JAK2: variants seen among roughly 807,000 people sequenced by gnomAD.
JAK2 encodes Janus kinase 2.
A neutral mutation model predicts 139.3 loss-of-function variants in JAK2; 86 were observed. That is an observed-to-expected ratio of 0.62 (90% CI 0.52 to 0.74). The LOEUF (loss-of-function observed/expected upper bound fraction) is 0.74, where lower values mean the gene tolerates loss of function less well. JAK2 is among the 30% of genes least tolerant of loss of function. The probability of loss-of-function intolerance (pLI) is 0.00; values close to 1 mark genes in which losing one functional copy is unlikely to be tolerated. For missense variants in JAK2, 1,421 were observed against 1,360.3 expected (o/e 1.04, Z -0.70); for synonymous variants, 490 against 437.7 (o/e 1.12, Z -1.49).
chr9:5,075,590 C>T (rs1417960403), intron 14 of JAK2, among the ~76,000 whole-genome samples: 1 of 152,138 alleles, frequency 6.6e-6, no homozygotes, highest in Non-Finnish European at 1.5e-5. Context: ...CTATTTTAAG[C>T]CCATTGTTGA....
At chr9:5,008,758 A>G (rs1203543400) in intron 2 of JAK2, among the ~76,000 whole-genome samples, 1 of 152,232 alleles carries the variant, frequency 6.6e-6, no homozygotes, top group Non-Finnish European at 1.5e-5. Context: ...TCTTTTTAAC[A>G]TGAACCCAGC....
At chr9:5,123,244 A>G in intron 23 of JAK2, 123 bp downstream of exon 23, 1 of 592,566 alleles carries the variant, frequency 1.7e-6, no homozygotes. Flanking sequence ...CAGAGCTTTT[A>G]GGGTATCCAC....
chr9:5,114,320 G>A (rs1056408919), intron 22 of JAK2: 1 of 542,498 alleles, frequency 1.8e-6, no homozygotes, highest in Non-Finnish European at 3.6e-6. Flanking sequence ...CCAGTGGGAA[G>A]TCTGTGGCTC....
intron 2 of JAK2, among the ~76,000 whole-genome samples, chr9:4,988,548 G>T (rs1217387735): frequency 1.3e-5 from 2 of 152,128 alleles, no homozygotes; most frequent in Non-Finnish European, 2.9e-5. Context: ...TCCCTGAATG[G>T]GTTTGGAAAC....
At chr9:5,066,955 TATA>T (rs1230794397) in intron 10 of JAK2, among the ~76,000 whole-genome samples, 166 bp downstream of exon 10, 1 of 152,114 alleles carries the variant, frequency 6.6e-6, no homozygotes, top group African/African-American at 2.4e-5. Context: ...ATAAACAAGT[TATA>T]ATTCCCAGGG....
chr9:4,985,335 C>T lies in JAK2; in HGVS notation c.-404C>T, dbSNP rs1009513302. 4.6e-5 allele frequency: 7 copies of T among 152,548 alleles called. No individual in the cohort carries two copies. The highest frequency in any genetic ancestry group is 1.7e-4 in the African/African-American group (7 of 41,460). 9.4% of individuals were successfully genotyped at this position (152,548 alleles called of 1,614,324 possible). On this transcript the variant is annotated 5_prime_UTR_variant, in exon 1 of 25. Coordinates refer to ENST00000381652, the MANE Select transcript of JAK2 (RefSeq NM_004972.4). ...CGGCGCTGACAGGCTGGGCCGGCGC[C>T]CGGCTCGCTTGGGTGTTCGCGTCGC... is the stretch of plus-strand genomic sequence containing the variant.
At chr9:5,113,752 C>A in intron 22 of JAK2, 1 of 167,308 alleles carries the variant, frequency 6.0e-6, no homozygotes, top group South Asian at 1.6e-4. Context: ...ATTACGCCAT[C>A]ACCAGCCAGC....
intron 8 of JAK2, among the ~76,000 whole-genome samples, chr9:5,058,250 C>T (rs964800184): frequency 1.3e-5 from 2 of 152,088 alleles, no homozygotes; most frequent in African/African-American, 4.8e-5. Context: ...CTACCTGGGA[C>T]TGGATAATTT....
At chr9:5,053,461 G>A (rs1817560244) in intron 6 of JAK2, among the ~76,000 whole-genome samples, 1 of 151,952 alleles carries the variant, frequency 6.6e-6, no homozygotes, top group South Asian at 2.1e-4. Flanking sequence ...GGTATCATTT[G>A]TAGCACAAAA....
Position 5,079,920 on chromosome 9 carries a change from T to C in JAK2, c.2132-309T>C, listed in dbSNP as rs568022070. ...ATGGTTTAATGGAAAGATTAGTTGA[T>C]TCAGAACTCACTGTACAGGATTCTA... On this transcript the variant is annotated intron_variant, in intron 16 of 24. Transcript: ENST00000381652. Among the ~76,000 whole-genome samples, 4 of 152,316 alleles carry C rather than the reference T, an allele frequency of 2.6e-5. No homozygotes were observed. The East Asian group carries it at 5.8e-4, about 22-fold the overall frequency.
At chr9:5,097,517 G>A (rs1159308630) in intron 22 of JAK2, 2 of 152,160 alleles carry the variant, frequency 1.3e-5, no homozygotes, top group African/African-American at 2.4e-5. Context: ...TTTATTGTAT[G>A]AGCACACCAT....
intron 4 of JAK2, among the ~76,000 whole-genome samples, chr9:5,036,565 A>T (rs1222985453): frequency 6.6e-6 from 1 of 152,222 alleles, no homozygotes; most frequent in African/African-American, 2.4e-5. Context: ...CTACCTATCT[A>T]CAACCATCTG....
chr9:4,992,906 T>C (rs745402613), intron 2 of JAK2, among the ~76,000 whole-genome samples: 1 of 152,200 alleles, frequency 6.6e-6, no homozygotes, highest in African/African-American at 2.4e-5. Context: ...TCATTCTTAA[T>C]AGGACATAGG....
In JAK2 at chr9:5,054,934, A is replaced by T. The variant is rs1040229705; in HGVS notation, c.936+50A>T. ...TTCTTTGTTATTTTAAGTACAATGG[A>T]AATAAAAACAAAGTAATTTTAATCA... On this transcript the variant is annotated intron_variant, in intron 7 of 24. Transcript: ENST00000381652. This position sits in a 1 kb window ranked among gnomAD's most constrained non-coding sequence, Gnocchi z 4.9. 1 of 1,309,796 alleles carries T rather than the reference A, an allele frequency of 7.6e-7. No individual in the cohort carries two copies. The highest frequency in any genetic ancestry group is 1.1e-6 in the Non-Finnish European group (1 of 952,058). 81.1% of individuals were successfully genotyped at this position (1,309,796 alleles called of 1,614,324 possible).
At chr9:5,022,303 T>G in intron 3 of JAK2, 90 bp downstream of exon 3, 1 of 766,260 alleles carries the variant, frequency 1.3e-6, no homozygotes, top group Non-Finnish European at 2.0e-6. Flanking sequence ...AATATATATT[T>G]TTATTTTTTT....
chr9:5,003,865 T>G (rs1448344940), intron 2 of JAK2, among the ~76,000 whole-genome samples: 2 of 152,054 alleles, frequency 1.3e-5, no homozygotes, highest in Non-Finnish European at 2.9e-5. Context: ...TGAGGAAGTT[T>G]GCTTTTATTC....
At chr9:5,035,086 C>G (rs535029507) in intron 4 of JAK2, among the ~76,000 whole-genome samples, 3 of 152,292 alleles carry the variant, frequency 2.0e-5, no homozygotes, top group African/African-American at 7.2e-5. Context: ...AAACTACCAT[C>G]AGAGAATACT....
chr9:5,112,570 C>T, intron 22 of JAK2: 1 of 658,344 alleles, frequency 1.5e-6, no homozygotes, highest in Non-Finnish European at 2.6e-6. Flanking sequence ...CAGGGAGCGG[C>T]TGCGGGTCCC....
intron 22 of JAK2, chr9:5,094,067 ACAAT>A (rs1820790722): frequency 6.6e-6 from 1 of 152,196 alleles, no homozygotes; most frequent in Non-Finnish European, 1.5e-5. Context: ...GTAAAACTTT[ACAAT>A]CAAAGGTTCA....
Sources: gnomAD v4.1 joint callset for allele counts (sites outside exome capture counted in the v4.1 genomes callset) on GRCh38, gnomAD v4.1.1 for gene constraint, Gnocchi (gnomAD v3.1) non-coding constraint, MANE v1.5 for transcripts, NCBI Gene and HGNC (gene_info 2026-07-23, HGNC 2026-07-21) for gene names.